LRMDA: variants seen among roughly 807,000 people sequenced by gnomAD.
The protein encoded by LRMDA is leucine rich melanocyte differentiation associated, also known as leucine-rich melanocyte differentiation-associated protein.
LRMDA carries 18 observed loss-of-function variants against 29.8 expected under a neutral mutation model. The ratio of observed to expected loss-of-function variants is 0.60; its 90% CI spans 0.42 to 0.90. The LOEUF (loss-of-function observed/expected upper bound fraction) is 0.90, where lower values mean the gene tolerates loss of function less well. Among genes scored for constraint, LRMDA ranks in the 40% least tolerant of loss-of-function variants. The pLI is 0.00. For synonymous variants in LRMDA, 125 were observed against 109.4 expected (o/e 1.14, Z -0.89); for missense variants, 273 against 273.9 (o/e 1.00, Z 0.02).
chr10:76,112,656 G>A (rs1213008044), intron 5 of LRMDA, among the ~76,000 whole-genome samples: 2 of 151,720 alleles, frequency 1.3e-5, no homozygotes, highest in East Asian at 2.0e-4. Context: ...TGGGCTTCTG[G>A]GCCACTAAAC....
chr10:76,262,074 A>T (rs995853290), intron 5 of LRMDA, among the ~76,000 whole-genome samples: 12 of 152,090 alleles, frequency 7.9e-5, no homozygotes, highest in South Asian at 4.2e-4. Flanking sequence ...CTCTAAAAAA[A>T]AATAATAATA....
intron 2 of LRMDA, among the ~76,000 whole-genome samples, chr10:75,574,460 A>G (rs1840477555): frequency 6.6e-6 from 1 of 152,170 alleles, no homozygotes; most frequent in South Asian, 2.1e-4. Context: ...GCCCAGTGGA[A>G]TGATCTCATT....
chr10:75,752,024 A>AAAAT (rs1015553820), intron 2 of LRMDA, among the ~76,000 whole-genome samples: 40 of 150,032 alleles, frequency 2.7e-4, no homozygotes, highest in African/African-American at 9.9e-5. Flanking sequence ...TTCCTACTGT[A>AAAAT]AAATAAATAA....
intron 5 of LRMDA, among the ~76,000 whole-genome samples, chr10:76,166,213 A>G (rs2132185426): frequency 6.6e-6 from 1 of 152,288 alleles, no homozygotes; most frequent in Admixed American, 6.5e-5. Flanking sequence ...TGTTAGGTTG[A>G]GTTCTCAGTC....
Position 76,389,473 on chromosome 10 carries a change from A to G in LRMDA, c.601+64988A>G, listed in dbSNP as rs1339231370. On this transcript the variant is annotated intron_variant, in intron 6 of 6. Coordinates refer to ENST00000611255, the MANE Select transcript of LRMDA (RefSeq NM_001305581.2). ...CATTTGCCTTTTTTATTGTAGTAAA[A>G]TATATAAAACTTAAAATTCACCATT... 2.0e-5 allele frequency among the ~76,000 whole-genome samples: 3 copies of G among 152,212 alleles called. No individual in the cohort carries two copies. The East Asian group carries it at 5.8e-4, about 29-fold the overall frequency.
intron 5 of LRMDA, among the ~76,000 whole-genome samples, chr10:76,156,758 A>G (rs921668698): frequency 9.9e-5 from 15 of 152,230 alleles, no homozygotes; most frequent in Non-Finnish European, 1.8e-4. Flanking sequence ...ACATACCATT[A>G]GGCTTAGACT....
In LRMDA at chr10:76,228,181, C is replaced by A. The variant is rs144764639; in HGVS notation, c.517-96220C>A. Among the ~76,000 whole-genome samples the A allele has an allele frequency of 8.8e-3, 1,331 of 152,098 alleles. 16 individuals are homozygous for A. Among genetic ancestry groups the A allele is most frequent in the Non-Finnish European group, 0.013 (890 of 68,002 alleles). On this transcript the variant is annotated intron_variant, in intron 5 of 6. Transcript: ENST00000611255. ...GGACTATAGGCACACGCCACCACGC[C>A]CAGCTAATTTTTATATTTTTAGTAG...
chr10:75,679,519 C>T lies in LRMDA; in HGVS notation c.131+241025C>T, dbSNP rs533809067. On this transcript the variant is annotated intron_variant, in intron 2 of 6. Coordinates refer to ENST00000611255, the MANE Select transcript of LRMDA (RefSeq NM_001305581.2). ...AAGTCATGAAGGTTCTCTGGATCTCCTTCTCCATCGGTATTATTCTGGGGC... is the reference window on the plus strand; with the variant it reads ...AAGTCATGAAGGTTCTCTGGATCTCTTTCTCCATCGGTATTATTCTGGGGC... Among the ~76,000 whole-genome samples, 7 of 152,144 alleles carry T rather than the reference C, an allele frequency of 4.6e-5. No individual in the cohort carries two copies. The South Asian group carries it at 1.2e-3, about 27-fold the overall frequency.
chr10:75,739,481 T>C (rs1842804333), intron 2 of LRMDA, among the ~76,000 whole-genome samples: 1 of 152,258 alleles, frequency 6.6e-6, no homozygotes, highest in Admixed American at 6.5e-5. Context: ...AATCTTGATG[T>C]ATTATTTTAT....
chr10:76,416,168 C>T lies in LRMDA; in HGVS notation c.601+91683C>T, dbSNP rs372551080. ...AGGACAAAGCATTCAACTAATATGG[C>T]AGAACTCTACAAGGCAGGACTGGGA... On this transcript the variant is annotated intron_variant, in intron 6 of 6. Transcript: ENST00000611255. Among the ~76,000 whole-genome samples, 5 of 152,244 alleles carry T rather than the reference C, an allele frequency of 3.3e-5. No homozygotes were observed. In the East Asian group the frequency reaches 9.7e-4, roughly 29 times the overall value.
At chr10:75,715,711 A>G (rs1434852644) in intron 2 of LRMDA, among the ~76,000 whole-genome samples, 1 of 152,062 alleles carries the variant, frequency 6.6e-6, no homozygotes, top group East Asian at 1.9e-4. Context: ...CTTTGATCTA[A>G]TTGATAATTC....
chr10:76,108,075 G>A (rs1849517153), intron 5 of LRMDA, among the ~76,000 whole-genome samples: 1 of 152,148 alleles, frequency 6.6e-6, no homozygotes, highest in East Asian at 1.9e-4. Context: ...AGGGAAGTAA[G>A]AAATTTATAC....
rs1274393210 is a variant in LRMDA at position 76,205,650 on chromosome 10, C to G, written c.517-118751C>G. On this transcript the variant is annotated intron_variant, in intron 5 of 6. Transcript: ENST00000611255. ...GTTAGAAAATATAGGATTATTATTC[C>G]CTAAATTACTTTTCTTTGTGGGGGT... Among the ~76,000 whole-genome samples, 12 of 151,938 alleles carry G rather than the reference C, an allele frequency of 7.9e-5. 1 individual carries two copies. Among genetic ancestry groups the G allele is most frequent in the Admixed American group, 7.9e-4 (12 of 15,248 alleles).
At chr10:75,706,069 G>A (rs536487502) in intron 2 of LRMDA, among the ~76,000 whole-genome samples, 3 of 152,098 alleles carry the variant, frequency 2.0e-5, no homozygotes, top group Admixed American at 6.5e-5. Flanking sequence ...TGTCAATTTC[G>A]TGTCCTTTTT....
intron 6 of LRMDA, among the ~76,000 whole-genome samples, chr10:76,476,894 C>T (rs563814984): frequency 4.9e-4 from 75 of 152,172 alleles, no homozygotes; most frequent in Non-Finnish European, 8.1e-4. Flanking sequence ...ATTGATGGGA[C>T]GTATCTCAAA....
chr10:76,299,778 G>A (rs1840457919), intron 5 of LRMDA, among the ~76,000 whole-genome samples: 1 of 152,012 alleles, frequency 6.6e-6, no homozygotes, highest in Non-Finnish European at 1.5e-5. Flanking sequence ...CTAACCTTTG[G>A]CTGGTTGTAG....
chr10:76,397,433 G>A (rs1183676650), intron 6 of LRMDA, among the ~76,000 whole-genome samples: 2 of 152,158 alleles, frequency 1.3e-5, no homozygotes, highest in African/African-American at 2.4e-5. Context: ...CCATATCCCT[G>A]TTTAATTAAT....
At chr10:75,850,455 A>G (rs1373171591) in intron 2 of LRMDA, among the ~76,000 whole-genome samples, 1 of 152,184 alleles carries the variant, frequency 6.6e-6, no homozygotes, top group Non-Finnish European at 1.5e-5. Context: ...CTTAGTGTTA[A>G]AAACATTATT....
chr10:75,629,578 T>G (rs1485026966), intron 2 of LRMDA, among the ~76,000 whole-genome samples: 1 of 151,620 alleles, frequency 6.6e-6, no homozygotes, highest in Non-Finnish European at 1.5e-5. Context: ...TTCCATAAGC[T>G]TTATGTCTGA....
Sources: gnomAD v4.1 joint callset for allele counts (sites outside exome capture counted in the v4.1 genomes callset) on GRCh38, gnomAD v4.1.1 for gene constraint, MANE v1.5 for transcripts, NCBI Gene and HGNC (gene_info 2026-07-23, HGNC 2026-07-21) for gene names.